AGMO: variants seen among roughly 807,000 people sequenced by gnomAD.
The protein encoded by AGMO is glyceryl-ether monooxygenase.
A neutral mutation model predicts 60.2 loss-of-function variants in AGMO; 75 were observed. That is an observed-to-expected ratio of 1.25 (90% CI 1.03 to 1.51). The LOEUF is 1.51. Ranked by LOEUF, AGMO falls within the 40% of genes most tolerant of loss-of-function variation. AGMO has a pLI of 0.00. For missense variants in AGMO, 763 were observed against 525.5 expected, an observed-to-expected ratio of 1.45 and a Z score of -4.42; for synonymous variants, 261 against 177.1, an observed-to-expected ratio of 1.47 and a Z score of -3.76.
At chr7:15,455,602 G>GA (rs1444630503) in intron 3 of AGMO, among the ~76,000 whole-genome samples, 1 of 152,070 alleles carries the variant, frequency 6.6e-6, no homozygotes, top group Non-Finnish European at 1.5e-5. Flanking sequence ...CCACAGAAGG[G>GA]AAAATATGAA....
chr7:15,309,432 G>T (rs541517121), intron 12 of AGMO, among the ~76,000 whole-genome samples: 1 of 152,180 alleles, frequency 6.6e-6, no homozygotes, highest in Non-Finnish European at 1.5e-5. Context: ...CAAACTTTCT[G>T]GGTGGGATAA....
intron 3 of AGMO, among the ~76,000 whole-genome samples, chr7:15,493,617 C>T (rs1263214333): frequency 3.3e-5 from 5 of 151,766 alleles, no homozygotes; most frequent in African/African-American, 4.8e-5. Context: ...CCTCGTGATC[C>T]GCCCGCCTCG....
In AGMO at chr7:15,561,927, G is replaced by A. The variant is rs1785322330; in HGVS notation, c.-82C>T. The A allele has an allele frequency of 2.1e-6, 3 of 1,433,460 alleles. No homozygotes were observed. Among genetic ancestry groups the A allele is most frequent in the African/African-American group, 2.9e-5 (2 of 69,432 alleles). The allele number at this position is 1,433,460 out of a possible 1,614,324, so 88.8% of individuals were successfully genotyped here. On this transcript the variant is annotated 5_prime_UTR_variant, in exon 1 of 13. Coordinates refer to ENST00000342526, the MANE Select transcript of AGMO (RefSeq NM_001004320.2). ...TGAGGCTGAACAAAGAGGACGAGAT[G>A]TGCAGCTCAGAACAAGCTCTTTGTC...
chr7:15,130,279 T>C, the AGMO span, among the ~76,000 whole-genome samples: 2 of 152,118 alleles, frequency 1.3e-5, no homozygotes, highest in Admixed American at 1.3e-4. Context: ...AAGTGTCATG[T>C]CTTTTAATCT....
intron 4 of AGMO, among the ~76,000 whole-genome samples, chr7:15,424,562 C>A (rs997867487): frequency 6.6e-6 from 1 of 152,132 alleles, no homozygotes; most frequent in Non-Finnish European, 1.5e-5. Flanking sequence ...TTCAAAATGA[C>A]TTTGAATATT....
At chr7:15,390,021 G>A (rs1427214585) in intron 8 of AGMO, among the ~76,000 whole-genome samples, 1 of 152,072 alleles carries the variant, frequency 6.6e-6, no homozygotes, top group Non-Finnish European at 1.5e-5. Flanking sequence ...AGCTTTTCAA[G>A]TATTCTTATC....
chr7:15,495,854 C>T (rs868476507), intron 3 of AGMO, among the ~76,000 whole-genome samples: 2 of 94,188 alleles, frequency 2.1e-5, no homozygotes, highest in African/African-American at 5.8e-5. Context: ...TCTCTCTCTC[C>T]TCTCTCTCTC....
chr7:15,333,694 C>T (rs1358892357), intron 12 of AGMO, among the ~76,000 whole-genome samples: 1 of 151,406 alleles, frequency 6.6e-6, no homozygotes, highest in Non-Finnish European at 1.5e-5. Context: ...CAAAACAAAA[C>T]CACCAATATT....
At chr7:15,417,116 T>C (rs929518768) in intron 5 of AGMO, among the ~76,000 whole-genome samples, 3 of 152,204 alleles carry the variant, frequency 2.0e-5, no homozygotes, top group African/African-American at 4.8e-5. Context: ...ATCCAAACCA[T>C]GAATTTCAGA....
intron 12 of AGMO, among the ~76,000 whole-genome samples, chr7:15,264,083 A>T (rs1043414636): frequency 2.0e-5 from 3 of 151,900 alleles, no homozygotes; most frequent in Non-Finnish European, 4.4e-5. Flanking sequence ...AAAAATTTAT[A>T]AAAATAAAAA....
At chr7:15,416,706 T>C (rs1249603864) in intron 5 of AGMO, among the ~76,000 whole-genome samples, 1 of 152,150 alleles carries the variant, frequency 6.6e-6, no homozygotes, top group Non-Finnish European at 1.5e-5. Context: ...TGATGCCTGA[T>C]ATTAAACAGT....
the AGMO span, among the ~76,000 whole-genome samples, chr7:15,119,832 G>A: frequency 1.3e-5 from 2 of 151,728 alleles, no homozygotes; most frequent in Non-Finnish European, 2.9e-5. Flanking sequence ...AATTAGAAAA[G>A]AACTTTTGGA....
At chr7:15,548,876 A>G in intron 2 of AGMO, among the ~76,000 whole-genome samples, 1 of 152,008 alleles carries the variant, frequency 6.6e-6, no homozygotes, top group East Asian at 1.9e-4. Flanking sequence ...AGATTCACCA[A>G]AGTTGAAATG....
At chr7:15,237,245 C>T (rs1782450767) in intron 12 of AGMO, among the ~76,000 whole-genome samples, 1 of 152,076 alleles carries the variant, frequency 6.6e-6, no homozygotes, top group South Asian at 2.1e-4. Flanking sequence ...ATTGTGTTTA[C>T]CATGTTATAT....
chr7:15,376,987 G>A (rs535186563), intron 10 of AGMO, among the ~76,000 whole-genome samples: 13 of 152,004 alleles, frequency 8.6e-5, no homozygotes, highest in African/African-American at 2.2e-4. Context: ...CATAAAACAA[G>A]TAAGTATTTA....
intron 10 of AGMO, among the ~76,000 whole-genome samples, chr7:15,379,404 A>C (rs772961782): frequency 2.0e-5 from 3 of 152,092 alleles, no homozygotes; most frequent in Non-Finnish European, 4.4e-5. Context: ...AGATTCAAAT[A>C]AACAGTATCA....
At chr7:15,172,614 G>A in the AGMO span, among the ~76,000 whole-genome samples, 6 of 152,072 alleles carry the variant, frequency 3.9e-5, no homozygotes, top group Non-Finnish European at 5.9e-5. Flanking sequence ...TTTAATTGAA[G>A]TTCCAGTGAG....
the AGMO span, among the ~76,000 whole-genome samples, chr7:15,142,054 G>A: frequency 1.3e-5 from 2 of 152,100 alleles, no homozygotes; most frequent in Non-Finnish European, 2.9e-5. Flanking sequence ...TATTCATCGA[G>A]CTCTAATACT....
At chr7:15,339,992 G>C (rs1275748489) in intron 12 of AGMO, among the ~76,000 whole-genome samples, 1 of 152,106 alleles carries the variant, frequency 6.6e-6, no homozygotes, top group Non-Finnish European at 1.5e-5. Context: ...TAGATGGAAG[G>C]AGCATAGCAC....
Sources: allele counts gnomAD v4.1 joint callset (sites outside exome capture counted in the v4.1 genomes callset), GRCh38; gene constraint gnomAD v4.1.1; transcripts MANE v1.5; gene names NCBI Gene and HGNC (gene_info 2026-07-23, HGNC 2026-07-21).